The following USP44 variants were observed in gnomAD, a reference collection of about 807,000 sequenced individuals.
The protein encoded by USP44 is ubiquitin carboxyl-terminal hydrolase 44.
A neutral mutation model predicts 69.0 loss-of-function variants in USP44; 61 were observed. The observed-to-expected ratio is 0.88, with a 90% CI of 0.72 to 1.09. The LOEUF is 1.09. Among genes scored for constraint, USP44 ranks in the 50% least tolerant of loss-of-function variants. The probability of loss-of-function intolerance (pLI) is 0.00; values close to 1 mark genes in which losing one functional copy is unlikely to be tolerated. For synonymous variants in USP44, 297 were observed against 295.4 expected, an observed-to-expected ratio of 1.01 and a Z score of -0.06; for missense variants, 753 against 849.9, an observed-to-expected ratio of 0.89 and a Z score of 1.42.
In USP44 at chr12:95,533,151, A is replaced by G. The variant is rs2077078235; in HGVS notation, c.1106T>C (p.Ile369Thr). The G allele has an allele frequency of 1.2e-6, 2 of 1,614,112 alleles. No homozygotes were observed. The highest frequency in any genetic ancestry group is 1.7e-5 in the Admixed American group (1 of 60,004). The change falls in exon 2 of 6, where the codon ATT becomes ACT. Residue 369 changes from isoleucine (I) to threonine (T), a missense_variant. Ile to Thr is a moderately conservative substitution (Grantham distance 89). Coordinates refer to ENST00000258499, the MANE Select transcript of USP44 (RefSeq NM_032147.5). ...GASKGRKMEL[I>T]QPKEPTSQYI... ...CTGTGAAGTTGGCTCCTTTGGCTGA[A>G]TAAGTTCCATCTTTCTACCTTTTGA...
intron 1 of USP44, among the ~76,000 whole-genome samples, chr12:95,535,191 A>T (rs2077160988): frequency 6.6e-6 from 1 of 152,238 alleles, no homozygotes; most frequent in African/African-American, 2.4e-5. Flanking sequence ...AACCATCTGT[A>T]AAAGAGGGAA....
intron 1 of USP44, among the ~76,000 whole-genome samples, chr12:95,535,205 C>G (rs1254068549): frequency 6.6e-6 from 1 of 152,162 alleles, no homozygotes; most frequent in Non-Finnish European, 1.5e-5. Context: ...GAGGGAAAAT[C>G]ATACCAACTT....
intron 4 of USP44, among the ~76,000 whole-genome samples, chr12:95,522,353 A>T (rs12302673): frequency 0.025 from 3,808 of 152,250 alleles, 162 homozygotes; most frequent in African/African-American, 0.086. Flanking sequence ...AAGATGAACC[A>T]TTCAAATTAT....
rs1454158051 is a variant in USP44 at position 95,528,868 on chromosome 12, C to T, written c.1563G>A (p.Leu521=). 1 of 1,613,810 alleles carries T rather than the reference C, an allele frequency of 6.2e-7. No individual in the cohort carries two copies. The highest frequency in any genetic ancestry group is 1.3e-5 in the African/African-American group (1 of 74,884). The part of the protein sequence containing the change: ...ASQPCLVTEM[L]AKFTETEALE... Reference sequence around the variant, plus strand: ...AAGCTTCAGTTTCTGTAAATTTGGCCAACATTTCAGTAACCAGACATGGCT... The same window carrying T: ...AAGCTTCAGTTTCTGTAAATTTGGCTAACATTTCAGTAACCAGACATGGCT... The change falls in exon 3 of 6, where the codon TTG becomes TTA. Residue 521 remains leucine (L), a synonymous_variant. Transcript: ENST00000258499.
intron 1 of USP44, among the ~76,000 whole-genome samples, chr12:95,539,522 G>A (rs1028524915): frequency 2.6e-5 from 4 of 151,942 alleles, no homozygotes; most frequent in African/African-American, 4.8e-5. Flanking sequence ...CACCGCGCCC[G>A]GCCCAATGAA....
At chr12:95,539,974 G>C (rs1448830455) in intron 1 of USP44, among the ~76,000 whole-genome samples, 1 of 152,170 alleles carries the variant, frequency 6.6e-6, no homozygotes, top group African/African-American at 2.4e-5. Flanking sequence ...AGGACTCTCT[G>C]AAATTAATTT....
Position 95,534,295 on chromosome 12 carries a change from T to G in USP44, c.-39A>C, listed in dbSNP as rs187283171. 6 of 1,558,226 alleles carry G rather than the reference T, an allele frequency of 3.9e-6. No individual in the cohort carries two copies. Among genetic ancestry groups the G allele is most frequent in the Middle Eastern group, 1.7e-4 (1 of 5,854 alleles). On this transcript the variant is annotated 5_prime_UTR_variant, in exon 2 of 6. Transcript: ENST00000258499. ...CTGAGAAATGCATAATCCAAACAAG[T>G]CTCTGTTCACAACACTTGAAGCATC... is the stretch of plus-strand genomic sequence containing the variant.
intron 2 of USP44, among the ~76,000 whole-genome samples, chr12:95,532,465 G>C (rs1274827105): frequency 6.6e-6 from 1 of 151,950 alleles, no homozygotes; most frequent in East Asian, 1.9e-4. Context: ...CCCACGCCCG[G>C]CCATGTGCAC....
chr12:95,532,567 A>G (rs1481649992), intron 2 of USP44, among the ~76,000 whole-genome samples: 1 of 152,088 alleles, frequency 6.6e-6, no homozygotes, highest in Non-Finnish European at 1.5e-5. Context: ...TGAATGTAAT[A>G]TTGGTAACCT....
chr12:95,518,014 A>T lies in USP44; in HGVS notation c.*140T>A, dbSNP rs1252059446. 6 of 589,588 alleles carry T rather than the reference A, an allele frequency of 1.0e-5. No individual in the cohort carries two copies. The highest frequency in any genetic ancestry group is 1.5e-5 in the Non-Finnish European group (6 of 398,862). The allele number at this position is 589,588 out of a possible 1,614,324, so 36.5% of individuals were successfully genotyped here. ...GTTGATATATACATTTATACTTTGT[A>T]AAAAAAAAAATTGTTAGATATAAAA... On this transcript the variant is annotated 3_prime_UTR_variant, in exon 6 of 6. Transcript: ENST00000258499.
chr12:95,518,202 T>C lies in USP44; in HGVS notation c.2091A>G (p.Gln697=), dbSNP rs200276085. Residue 697 remains glutamine, a synonymous_variant, in exon 6 of 6, where the codon CAA becomes CAG. Coordinates refer to ENST00000258499, the MANE Select transcript of USP44 (RefSeq NM_032147.5). ...AGGTATCAGCGTCTTCATTGGGATGTTGGCTCCCCAACAGGAGCTCTGGAG... is the reference window on the plus strand; with the variant it reads ...AGGTATCAGCGTCTTCATTGGGATGCTGGCTCCCCAACAGGAGCTCTGGAG... ...LLPPELLLGS[Q]HPNEDADTSS... 17 of 1,614,210 alleles carry C rather than the reference T, an allele frequency of 1.1e-5. No individual in the cohort carries two copies. Among genetic ancestry groups the C allele is most frequent in the Middle Eastern group, 1.6e-4 (1 of 6,062 alleles).
In USP44 at chr12:95,524,744, C is replaced by T; in HGVS notation, c.1669G>A (p.Ala557Thr). 1 of 1,612,536 alleles carries T rather than the reference C, an allele frequency of 6.2e-7. No homozygotes were observed. Among genetic ancestry groups the T allele is most frequent in the Non-Finnish European group, 8.5e-7 (1 of 1,179,502 alleles). ...FSSKPVVLTE[A>T]QKQLMICHLP... The stretch of plus-strand genomic sequence containing the variant: ...TGGCATATCATAAGTTGTTTCTGGG[C>T]TTCTGTGAGTACAACTGGTTTGGAG... The change falls in exon 4 of 6, where the codon GCC becomes ACC. Residue 557 changes from alanine (A) to threonine (T), a missense_variant. Ala to Thr is a moderately conservative substitution (Grantham distance 58). Transcript: ENST00000258499.
chr12:95,544,475 T>G (rs2077508981), intron 1 of USP44, among the ~76,000 whole-genome samples: 1 of 152,154 alleles, frequency 6.6e-6, no homozygotes, highest in African/African-American at 2.4e-5. Flanking sequence ...GCCCTGGAGG[T>G]TCTTACAAGA....
chr12:95,524,334 G>A lies in USP44; in HGVS notation c.1733+346C>T, dbSNP rs140579605. On this transcript the variant is annotated intron_variant, in intron 4 of 5. Transcript: ENST00000258499. ...TAACCTCAGGTGATCCACCTGCCTC[G>A]GCCTCCCAAAGTGCTGGGATTACAG... Among the ~76,000 whole-genome samples the A allele has an allele frequency of 2.2e-3, 327 of 151,250 alleles. 1 individual carries two copies. Among genetic ancestry groups the A allele is most frequent in the African/African-American group, 6.6e-3 (272 of 41,348 alleles).
chr12:95,535,598 T>A (rs188890645), intron 1 of USP44, among the ~76,000 whole-genome samples: 3 of 152,330 alleles, frequency 2.0e-5, no homozygotes, highest in East Asian at 1.9e-4. Flanking sequence ...CTTATTTTTT[T>A]AAAAAAGCTT....
In USP44 at chr12:95,517,342, T is replaced by C. The variant is rs1436469499; in HGVS notation, c.*812A>G. On this transcript the variant is annotated 3_prime_UTR_variant, in exon 6 of 6. Coordinates refer to ENST00000258499, the MANE Select transcript of USP44 (RefSeq NM_032147.5). ...TTAAGAGATCTAATGTCATCAGACATTATAAAATGAACTCATACCCAAGGT... is the reference window on the plus strand; with the variant it reads ...TTAAGAGATCTAATGTCATCAGACACTATAAAATGAACTCATACCCAAGGT... 6.6e-6 allele frequency: 1 copy of C among 152,140 alleles called. No individual in the cohort carries two copies. Among genetic ancestry groups the C allele is most frequent in the Non-Finnish European group, 1.5e-5 (1 of 68,002 alleles). 9.4% of individuals were successfully genotyped at this position (152,140 alleles called of 1,614,324 possible). A position where few individuals can be genotyped will look rare whatever the true frequency, so the allele number is the denominator to read the frequency against.
intron 1 of USP44, among the ~76,000 whole-genome samples, chr12:95,538,195 C>G (rs1328470443): frequency 6.6e-6 from 1 of 152,088 alleles, no homozygotes; most frequent in Admixed American, 6.6e-5. Context: ...GAGTTTAACA[C>G]TTGACAGGAT....
intron 5 of USP44, among the ~76,000 whole-genome samples, chr12:95,519,345 C>G (rs1046898177): frequency 3.3e-5 from 5 of 151,158 alleles, no homozygotes; most frequent in African/African-American, 1.2e-4. Context: ...CCCATCCTTA[C>G]AATACCTCAT....
chr12:95,545,292 C>T (rs905336352), intron 1 of USP44, among the ~76,000 whole-genome samples: 6 of 146,698 alleles, frequency 4.1e-5, no homozygotes, highest in African/African-American at 1.5e-4. Context: ...TCATTAAAAA[C>T]AAAAACGAAA....
Sources: allele counts gnomAD v4.1 joint callset (sites outside exome capture counted in the v4.1 genomes callset), GRCh38; gene constraint gnomAD v4.1.1; transcripts MANE v1.5; gene names NCBI Gene and HGNC (gene_info 2026-07-23, HGNC 2026-07-21).